Variants in MIR2052HG observed in about 807,000 individuals in gnomAD.
MIR2052HG encodes MIR2052 host gene.
At chr8:74,754,521 G>A (rs1809979760) in intron 5 of MIR2052HG, among the ~76,000 whole-genome samples, 1 of 151,964 alleles carries the variant, frequency 6.6e-6, no homozygotes, top group Non-Finnish European at 1.5e-5. Context: ...AGAATTTAGG[G>A]ATCATTATGA....
intron 2 of MIR2052HG, among the ~76,000 whole-genome samples, chr8:74,681,578 G>A (rs1256952770): frequency 6.6e-6 from 1 of 152,122 alleles, no homozygotes; most frequent in Non-Finnish European, 1.5e-5. Context: ...TGGGGTTTTT[G>A]AGAGGTGATT....
chr8:74,647,513 CTCTTA>C (rs1023487711), intron 2 of MIR2052HG, among the ~76,000 whole-genome samples: 2 of 152,082 alleles, frequency 1.3e-5, no homozygotes, highest in African/African-American at 4.8e-5. Context: ...AAACATTTCT[CTCTTA>C]TAAGTTTTTT....
At chr8:74,689,240 CTCT>C (rs1291176830) in intron 2 of MIR2052HG, among the ~76,000 whole-genome samples, 1 of 152,146 alleles carries the variant, frequency 6.6e-6, no homozygotes, top group Non-Finnish European at 1.5e-5. Context: ...GAAGACTCAT[CTCT>C]TCTTTGCAGT....
At chr8:74,652,342 C>A (rs932188251) in intron 2 of MIR2052HG, among the ~76,000 whole-genome samples, 1 of 152,146 alleles carries the variant, frequency 6.6e-6, no homozygotes, top group Non-Finnish European at 1.5e-5. Flanking sequence ...GCCAGTGATA[C>A]TCTCTTTTTC....
intron 1 of MIR2052HG, among the ~76,000 whole-genome samples, chr8:74,607,337 C>T (rs1430778322): frequency 6.6e-6 from 1 of 152,130 alleles, no homozygotes; most frequent in Non-Finnish European, 1.5e-5. Context: ...ACAGGCCAGG[C>T]ATGGTGGCTC....
chr8:74,701,521 T>C (rs775154612), intron 2 of MIR2052HG, among the ~76,000 whole-genome samples: 5 of 151,938 alleles, frequency 3.3e-5, no homozygotes, highest in Admixed American at 6.6e-5. Flanking sequence ...CCATAGAGGG[T>C]GTTTAGTTGG....
intron 4 of MIR2052HG, among the ~76,000 whole-genome samples, chr8:74,735,303 C>G (rs911870768): frequency 6.6e-6 from 1 of 152,168 alleles, no homozygotes; most frequent in Non-Finnish European, 1.5e-5. Flanking sequence ...CTGAGTAAGT[C>G]TTGTTGACAA....
intron 2 of MIR2052HG, among the ~76,000 whole-genome samples, chr8:74,615,555 T>C (rs1049406846): frequency 6.6e-6 from 1 of 152,130 alleles, no homozygotes; most frequent in Admixed American, 6.6e-5. Context: ...GATAACTAGC[T>C]CTGCATTTCA....
At chr8:74,741,054 T>C (rs1809823484) in intron 4 of MIR2052HG, among the ~76,000 whole-genome samples, 1 of 152,236 alleles carries the variant, frequency 6.6e-6, no homozygotes, top group Non-Finnish European at 1.5e-5. Flanking sequence ...TGGTTATATT[T>C]TATCAATCTA....
At chr8:74,721,769 T>A (rs772881579) in intron 4 of MIR2052HG, among the ~76,000 whole-genome samples, 25 of 152,156 alleles carry the variant, frequency 1.6e-4, no homozygotes, top group Admixed American at 1.6e-3. Context: ...GCAGCCCAGA[T>A]TTTAGGGGAG....
intron 2 of MIR2052HG, among the ~76,000 whole-genome samples, chr8:74,652,952 T>C (rs1808768610): frequency 6.6e-6 from 1 of 152,204 alleles, no homozygotes; most frequent in Non-Finnish European, 1.5e-5. Flanking sequence ...CTGCATACAA[T>C]TTAGTTAGCA....
intron 4 of MIR2052HG, among the ~76,000 whole-genome samples, chr8:74,719,314 T>C (rs954193668): frequency 1.3e-5 from 2 of 152,122 alleles, no homozygotes; most frequent in Admixed American, 6.5e-5. Flanking sequence ...AATGATGAAC[T>C]GAATAACTGC....
At chr8:74,729,486 A>G (rs976031411) in intron 4 of MIR2052HG, among the ~76,000 whole-genome samples, 1 of 152,166 alleles carries the variant, frequency 6.6e-6, no homozygotes. Context: ...TTAACATGTG[A>G]AATGATGTCT....
chr8:74,604,034 CT>C, intron 1 of MIR2052HG: 1 of 973,638 alleles, frequency 1.0e-6, no homozygotes, highest in Non-Finnish European at 1.7e-6. Context: ...ATAGCAAAGC[CT>C]TTGAAGACGG....
At chr8:74,660,311 A>G (rs1384235731) in intron 2 of MIR2052HG, among the ~76,000 whole-genome samples, 2 of 152,206 alleles carry the variant, frequency 1.3e-5, no homozygotes, top group Non-Finnish European at 2.9e-5. Flanking sequence ...TAGACTCTTC[A>G]GTTTCAAATT....
intron 2 of MIR2052HG, among the ~76,000 whole-genome samples, chr8:74,626,457 A>C (rs1808438130): frequency 1.3e-5 from 2 of 152,178 alleles, no homozygotes; most frequent in Admixed American, 1.3e-4. Context: ...GGATGGAAGT[A>C]AGAGGGCTCC....
chr8:74,687,530 G>A (rs185390148), intron 2 of MIR2052HG, among the ~76,000 whole-genome samples: 1 of 152,202 alleles, frequency 6.6e-6, no homozygotes, highest in Admixed American at 6.5e-5. Flanking sequence ...AGGGAATCCT[G>A]CCATCTGTGA....
At chr8:74,714,340 A>G (rs1809499256) in intron 4 of MIR2052HG, among the ~76,000 whole-genome samples, 1 of 152,222 alleles carries the variant, frequency 6.6e-6, no homozygotes, top group African/African-American at 2.4e-5. Context: ...TGTAAAATTA[A>G]TAGCAACATA....
At chr8:74,624,543 T>C (rs1808409483) in intron 2 of MIR2052HG, among the ~76,000 whole-genome samples, 1 of 152,080 alleles carries the variant, frequency 6.6e-6, no homozygotes, top group South Asian at 2.1e-4. Context: ...AACTATCTCC[T>C]ACCTGACATT....
Sources: allele counts gnomAD v4.1 joint callset (sites outside exome capture counted in the v4.1 genomes callset), GRCh38; gene constraint gnomAD v4.1.1; transcripts MANE v1.5; gene names NCBI Gene and HGNC (gene_info 2026-07-23, HGNC 2026-07-21).